CTNND2: variants seen among roughly 807,000 people sequenced by gnomAD.
The protein encoded by CTNND2 is catenin delta 2.
CTNND2 carries 22 observed loss-of-function variants against 144.4 expected under a neutral mutation model. That is an observed-to-expected ratio of 0.15 (90% CI 0.11 to 0.22). The LOEUF is 0.22. Among genes scored for constraint, CTNND2 ranks in the 10% least tolerant of loss-of-function variants. The pLI is 1.00. For missense variants in CTNND2, 1,353 were observed against 1,618.8 expected, an observed-to-expected ratio of 0.84 and a Z score of 2.82; for synonymous variants, 751 against 695.6, an observed-to-expected ratio of 1.08 and a Z score of -1.25.
chr5:11,484,155 G>A (rs1768572579), intron 3 of CTNND2, among the ~76,000 whole-genome samples: 1 of 152,126 alleles, frequency 6.6e-6, no homozygotes, highest in Non-Finnish European at 1.5e-5. Context: ...CCTTAACTAT[G>A]ACTGAGCTGT....
chr5:11,564,392 T>C (rs1391687515), intron 3 of CTNND2, among the ~76,000 whole-genome samples: 14 of 152,218 alleles, frequency 9.2e-5, no homozygotes, highest in Non-Finnish European at 7.3e-5. Context: ...TAAAAAGTTA[T>C]AGGCTTTAAA....
At chr5:11,791,362 C>T (rs377738488) in intron 1 of CTNND2, among the ~76,000 whole-genome samples, 2 of 152,050 alleles carry the variant, frequency 1.3e-5, no homozygotes, top group Admixed American at 1.3e-4. Context: ...AGAGGAAGAC[C>T]GTGCAACAAG....
chr5:11,769,211 C>T (rs1489044403), intron 1 of CTNND2, among the ~76,000 whole-genome samples: 1 of 152,122 alleles, frequency 6.6e-6, no homozygotes, highest in East Asian at 1.9e-4. Context: ...AACCCAGACA[C>T]AGAAACCACA....
At chr5:11,107,451 G>T (rs777054485) in intron 14 of CTNND2, among the ~76,000 whole-genome samples, 1 of 152,154 alleles carries the variant, frequency 6.6e-6, no homozygotes, top group Non-Finnish European at 1.5e-5. Context: ...AGCAGGCAAC[G>T]TGTGAGGCTC....
intron 9 of CTNND2, among the ~76,000 whole-genome samples, chr5:11,320,221 T>C (rs1751897762): frequency 6.6e-6 from 1 of 152,234 alleles, no homozygotes; most frequent in African/African-American, 2.4e-5. Flanking sequence ...CTTTTTTCTT[T>C]AGTTTCTGTA....
At chr5:11,664,827 T>C (rs1438567089) in intron 2 of CTNND2, among the ~76,000 whole-genome samples, 1 of 152,178 alleles carries the variant, frequency 6.6e-6, no homozygotes, top group Non-Finnish European at 1.5e-5. Flanking sequence ...AAGTGCTCCA[T>C]CAGGTCTTGT....
At chr5:11,770,177 G>A (rs982880642) in intron 1 of CTNND2, among the ~76,000 whole-genome samples, 3 of 151,952 alleles carry the variant, frequency 2.0e-5, no homozygotes, top group African/African-American at 7.3e-5. Flanking sequence ...GAGACCTCAC[G>A]GGCATCACAG....
intron 2 of CTNND2, among the ~76,000 whole-genome samples, chr5:11,568,194 T>C (rs1777274982): frequency 6.6e-6 from 1 of 152,182 alleles, no homozygotes; most frequent in African/African-American, 2.4e-5. Flanking sequence ...CTTTCCCTGG[T>C]CTCTGCTAGT....
Position 11,837,377 on chromosome 5 carries a change from T to C in CTNND2, c.37+66440A>G, listed in dbSNP as rs1031836911. ...TCAACATGGATGATTGTTTGAAAAA[T>C]AAATGTGATGATGTGAATTAAAATG... On this transcript the variant is annotated intron_variant, in intron 1 of 21. Transcript: ENST00000304623. Among the ~76,000 whole-genome samples, 7 of 152,170 alleles carry C rather than the reference T, an allele frequency of 4.6e-5. No individual in the cohort carries two copies. In the South Asian group the frequency reaches 1.0e-3, roughly 23 times the overall value.
At chr5:11,351,465 T>C (rs938370997) in intron 8 of CTNND2, among the ~76,000 whole-genome samples, 4 of 152,202 alleles carry the variant, frequency 2.6e-5, no homozygotes, top group African/African-American at 9.7e-5. Flanking sequence ...AATTATCTGT[T>C]TTCTGCAGAG....
At chr5:10,999,959 A>C (rs768148862) in intron 18 of CTNND2, among the ~76,000 whole-genome samples, 11 of 152,192 alleles carry the variant, frequency 7.2e-5, no homozygotes, top group Non-Finnish European at 1.6e-4. Flanking sequence ...GTTCATCCCC[A>C]CAGCCCCACT....
chr5:11,240,565 A>C, intron 9 of CTNND2, among the ~76,000 whole-genome samples: 1 of 113,024 alleles, frequency 8.8e-6, no homozygotes, highest in Non-Finnish European at 1.8e-5. Flanking sequence ...CACACTCAAA[A>C]CACACACCCA....
chr5:11,674,644 T>C (rs1330562119), intron 2 of CTNND2, among the ~76,000 whole-genome samples: 1 of 152,214 alleles, frequency 6.6e-6, no homozygotes, highest in African/African-American at 2.4e-5. Flanking sequence ...TCTGTAGCGT[T>C]AGAGTTGTTT....
At chr5:11,802,094 G>A (rs1213952051) in intron 1 of CTNND2, among the ~76,000 whole-genome samples, 1 of 151,980 alleles carries the variant, frequency 6.6e-6, no homozygotes, top group Non-Finnish European at 1.5e-5. Flanking sequence ...CCAAAATGGT[G>A]AAACCCCATC....
chr5:11,239,745 G>A (rs1236614509), intron 9 of CTNND2, among the ~76,000 whole-genome samples: 1 of 152,164 alleles, frequency 6.6e-6, no homozygotes, highest in African/African-American at 2.4e-5. Flanking sequence ...TGGCCTGCCT[G>A]GCCCAGTGGC....
intron 3 of CTNND2, among the ~76,000 whole-genome samples, chr5:11,450,789 TCAGGAGG>T (rs1765237748): frequency 6.7e-6 from 1 of 149,794 alleles, no homozygotes; most frequent in Non-Finnish European, 1.5e-5. Flanking sequence ...TCTCAGCTAC[TCAGGAGG>T]CTGAGGCAGG....
intron 3 of CTNND2, among the ~76,000 whole-genome samples, chr5:11,522,098 G>A (rs150471130): frequency 2.0e-5 from 3 of 152,308 alleles, no homozygotes; most frequent in Non-Finnish European, 2.9e-5. Flanking sequence ...GACACACAGC[G>A]TGAGAATTTA....
At chr5:11,763,842 A>G (rs1789422728) in intron 1 of CTNND2, among the ~76,000 whole-genome samples, 1 of 152,098 alleles carries the variant, frequency 6.6e-6, no homozygotes, top group South Asian at 2.1e-4. Context: ...CTTCCTTGAC[A>G]GACTTACTCA....
At chr5:11,057,454 C>T (rs1054363937) in intron 16 of CTNND2, among the ~76,000 whole-genome samples, 1 of 152,246 alleles carries the variant, frequency 6.6e-6, no homozygotes, top group African/African-American at 2.4e-5. Context: ...CAAACTCTCT[C>T]TTTTTGCCTG....
Sources: allele counts gnomAD v4.1 joint callset (sites outside exome capture counted in the v4.1 genomes callset), GRCh38; gene constraint gnomAD v4.1.1; transcripts MANE v1.5; gene names NCBI Gene and HGNC (gene_info 2026-07-23, HGNC 2026-07-21).